Variants in ZC3H15 observed in about 807,000 individuals in gnomAD.
ZC3H15 encodes zinc finger CCCH domain-containing protein 15.
A neutral mutation model predicts 51.2 loss-of-function variants in ZC3H15; 15 were observed. The ratio of observed to expected loss-of-function variants is 0.29; its 90% CI spans 0.20 to 0.45. The LOEUF (loss-of-function observed/expected upper bound fraction) is 0.45. Among genes scored for constraint, ZC3H15 ranks in the 20% least tolerant of loss-of-function variants. ZC3H15 has a pLI of 1.00. For synonymous variants in ZC3H15, 144 were observed against 162.8 expected (o/e 0.88, Z 0.88); for missense variants, 381 against 494.7 (o/e 0.77, Z 2.18).
At chr2:186,505,977 T>A in intron 8 of ZC3H15, 136 bp downstream of exon 8, 1 of 840,424 alleles carries the variant, frequency 1.2e-6, no homozygotes, top group Non-Finnish European at 2.0e-6. Context: ...CATGGGAAAT[T>A]AATCTAGGCC....
chr2:186,505,499 C>T lies in ZC3H15; in HGVS notation c.766C>T (p.Leu256Phe). 6.3e-7 allele frequency: 1 copy of T among 1,596,994 alleles called. No homozygotes were observed. The highest frequency in any genetic ancestry group is 8.5e-7 in the Non-Finnish European group (1 of 1,174,646). Residue 256 changes from leucine to phenylalanine, a missense_variant, in exon 7 of 10, where the codon CTT becomes TTT. By Grantham distance (22) the Leu-to-Phe change is conservative. Around this residue, in one of 3 missense-constraint regions of ZC3H15, gnomAD observed 215 missense variants for 241.8 expected, o/e 0.89. Coordinates refer to ENST00000337859, the MANE Select transcript of ZC3H15 (RefSeq NM_018471.3). Reference sequence around the variant, plus strand: ...TACCAAAATCACTCTAGAATCTTTTCTTGCCTGGAAGAAAAGGAAAAGACA... The same window carrying T: ...TACCAAAATCACTCTAGAATCTTTTTTTGCCTGGAAGAAAAGGAAAAGACA... ...NVTKITLESF[L>F]AWKKRKRQEK...
intron 5 of ZC3H15, among the ~76,000 whole-genome samples, chr2:186,503,424 T>G (rs1685419294): frequency 6.6e-6 from 1 of 152,210 alleles, no homozygotes; most frequent in African/African-American, 2.4e-5. Flanking sequence ...TTGCCCAAGC[T>G]GGAGTGCAGT....
intron 9 of ZC3H15, chr2:186,507,304 G>T (rs1384583313): frequency 4.7e-6 from 2 of 425,194 alleles, no homozygotes; most frequent in African/African-American, 2.1e-5. Context: ...GGTTGTAATT[G>T]GTTATAGGAA....
rs1685506858 is a variant in ZC3H15 at position 186,508,717 on chromosome 2, T to C, written c.1265T>C (p.Leu422Pro). 6.2e-7 allele frequency: 1 copy of C among 1,613,936 alleles called. No individual in the cohort carries two copies. Among genetic ancestry groups the C allele is most frequent in the Non-Finnish European group, 8.5e-7 (1 of 1,179,924 alleles). The stretch of plus-strand genomic sequence containing the variant: ...GAACTAGAAGAAGAATTAAATACAC[T>C]TGATTTAGAAGAATGACACCAAACA... ...LDELEEELNT[L>P]DLEE Residue 422 changes from leucine (L) to proline (P), a missense_variant, in exon 10 of 10, where the codon CTT (leucine) becomes CCT (proline). Leu to Pro is a moderately conservative substitution (Grantham distance 98, BLOSUM62 -3). Around this residue, in one of 3 missense-constraint regions of ZC3H15, gnomAD observed 215 missense variants for 241.8 expected, o/e 0.89. Transcript: ENST00000337859.
intron 1 of ZC3H15, among the ~76,000 whole-genome samples, chr2:186,493,361 G>C (rs1174453459): frequency 6.6e-6 from 1 of 152,116 alleles, no homozygotes; most frequent in Non-Finnish European, 1.5e-5. Flanking sequence ...GAAAATGGAA[G>C]CTAGTAAGTC....
At chr2:186,496,079 C>G (rs1233500077) in intron 2 of ZC3H15, among the ~76,000 whole-genome samples, 2 of 152,154 alleles carry the variant, frequency 1.3e-5, no homozygotes, top group Non-Finnish European at 2.9e-5. Context: ...TTTTAACTTA[C>G]ATGTATATAT....
rs965299043 is a variant in ZC3H15, at chr2:186,493,990, C to G, written c.76-1243C>G. The stretch of plus-strand genomic sequence containing the variant: ...GGACATTCCAAAATTCAGCCCACTA[C>G]AGACCACTGCTCCCCTCCACACACA... On this transcript the variant is annotated intron_variant, in intron 1 of 9. Coordinates refer to ENST00000337859, the MANE Select transcript of ZC3H15 (RefSeq NM_018471.3). Among the ~76,000 whole-genome samples the G allele has an allele frequency of 6.6e-5, 10 of 151,124 alleles. No homozygotes were observed. The Admixed American group carries it at 6.6e-4, about 10-fold the overall frequency.
At chr2:186,497,662 C>G (rs1328021412) in intron 2 of ZC3H15, among the ~76,000 whole-genome samples, 1 of 152,198 alleles carries the variant, frequency 6.6e-6, no homozygotes, top group African/African-American at 2.4e-5. Context: ...GAAGAACTCA[C>G]TTTCTTCACT....
chr2:186,503,187 T>G (rs574468325), intron 5 of ZC3H15, among the ~76,000 whole-genome samples: 1 of 152,292 alleles, frequency 6.6e-6, no homozygotes, highest in African/African-American at 2.4e-5. Context: ...TGTTTGTTTT[T>G]GGGGGCGGAT....
intron 2 of ZC3H15, among the ~76,000 whole-genome samples, chr2:186,495,820 TAC>T (rs1685272466): frequency 1.3e-5 from 2 of 152,262 alleles, no homozygotes; most frequent in Admixed American, 6.5e-5. Context: ...GAGCAATAGA[TAC>T]TAAAGTTCTT....
chr2:186,501,617 A>T (rs1172646543), intron 4 of ZC3H15, among the ~76,000 whole-genome samples, 192 bp downstream of exon 4: 2 of 152,204 alleles, frequency 1.3e-5, no homozygotes, highest in African/African-American at 2.4e-5. Flanking sequence ...AAGATACTTT[A>T]AAAAACAGTG....
At chr2:186,501,707 A>C (rs542371076) in intron 4 of ZC3H15, among the ~76,000 whole-genome samples, 4 of 148,212 alleles carry the variant, frequency 2.7e-5, no homozygotes, top group South Asian at 4.3e-4. Context: ...AGCTTTGGTG[A>C]ATAATTTTCT....
chr2:186,507,958 CTG>C (rs1178422601), intron 9 of ZC3H15, among the ~76,000 whole-genome samples: 5 of 152,130 alleles, frequency 3.3e-5, no homozygotes, highest in African/African-American at 1.2e-4. Context: ...TAAAAAATGT[CTG>C]TGTAATTGTC....
At chr2:186,494,861 A>C (rs1685256813) in intron 1 of ZC3H15, among the ~76,000 whole-genome samples, 1 of 152,142 alleles carries the variant, frequency 6.6e-6, no homozygotes, top group Non-Finnish European at 1.5e-5. Flanking sequence ...AGATGTACCT[A>C]ATGTAAATGA....
At chr2:186,487,599 G>A (rs1685121942) in intron 1 of ZC3H15, among the ~76,000 whole-genome samples, 1 of 152,156 alleles carries the variant, frequency 6.6e-6, no homozygotes. Context: ...AAGTACTATA[G>A]CCAGACACTT....
chr2:186,507,639 T>C (rs1352484195), intron 9 of ZC3H15, among the ~76,000 whole-genome samples: 1 of 152,198 alleles, frequency 6.6e-6, no homozygotes, highest in African/African-American at 2.4e-5. Flanking sequence ...GGGTAAAAGT[T>C]TGGCATGCTT....
In ZC3H15 at chr2:186,486,401, G is replaced by T; in HGVS notation, c.19G>T (p.Ala7Ser). Residue 7 changes from alanine (A) to serine (S), a missense_variant, in exon 1 of 10, where the codon GCT becomes TCT. Transcript: ENST00000337859. ...CTCCGCAATGCCCCCCAAGAAACAG[G>T]CTCAGGCCGGGGGCAGCAAAAAGGC... MPPKKQ[A>S]QAGGSKKAEQ... 4.5e-6 allele frequency: 7 copies of T among 1,556,226 alleles called. No homozygotes were observed. The highest frequency in any genetic ancestry group is 5.2e-6 in the Non-Finnish European group (6 of 1,148,076).
At chr2:186,507,818 T>C (rs932343864) in intron 9 of ZC3H15, among the ~76,000 whole-genome samples, 9 of 152,196 alleles carry the variant, frequency 5.9e-5, no homozygotes, top group African/African-American at 2.2e-4. Context: ...GTATTCAGAT[T>C]GACTTGCTCT....
chr2:186,505,744 G>A lies in ZC3H15; in HGVS notation c.869G>A (p.Ser290Asn). Reference protein sequence around the residue: ...DFKAGKALVISGREVFEFRPE... With the variant: ...DFKAGKALVINGREVFEFRPE... ...TATATTTGTGTGTCTCAATAGATCA[G>A]TGGTCGTGAAGTGTTTGAATTTCGT... The change falls in exon 8 of 10, where the codon AGT (serine) becomes AAT (asparagine). Residue 290 changes from serine (S) to asparagine (N), a missense_variant. Ser to Asn is a conservative substitution (Grantham distance 46). Coordinates refer to ENST00000337859, the MANE Select transcript of ZC3H15 (RefSeq NM_018471.3). 2 of 1,614,056 alleles carry A rather than the reference G, an allele frequency of 1.2e-6. No individual in the cohort carries two copies. The highest frequency in any genetic ancestry group is 1.7e-6 in the Non-Finnish European group (2 of 1,179,952).
Sources: gnomAD v4.1 joint callset for allele counts (sites outside exome capture counted in the v4.1 genomes callset) on GRCh38, gnomAD v4.1.1 for gene constraint, gnomAD v4.1.1 regional missense constraint, MANE v1.5 for transcripts, NCBI Gene and HGNC (gene_info 2026-07-23, HGNC 2026-07-21) for gene names.